The following FAHD2A variants were observed in gnomAD, a reference collection of about 807,000 sequenced individuals.
FAHD2A encodes oxaloacetate tautomerase FAHD2A, mitochondrial.
In FAHD2A, 27 loss-of-function variants were observed where a neutral mutation model predicts 33.4. That is an observed-to-expected ratio of 0.81 (90% confidence interval 0.60 to 1.11). The LOEUF (loss-of-function observed/expected upper bound fraction) is 1.11, where lower values mean the gene tolerates loss of function less well. FAHD2A is among the 50% of genes most tolerant of loss of function. The pLI is 0.00. For synonymous variants in FAHD2A, 130 were observed against 153.3 expected (o/e 0.85, Z 1.12); for missense variants, 296 against 395.0 (o/e 0.75, Z 2.12).
chr2:95,414,102 C>T lies in FAHD2A; in HGVS notation c.*1145C>T. ...CTTCTCTCCTCTTGTTTAAAGAAGC[C>T]CAGGGAGGGATAGATCTCCGACTGG... On this transcript the variant is annotated 3_prime_UTR_variant, in exon 8 of 8. Coordinates refer to ENST00000233379, the MANE Select transcript of FAHD2A (RefSeq NM_016044.3). 6.9e-7 allele frequency: 1 copy of T among 1,450,202 alleles called. No individual in the cohort carries two copies. Among genetic ancestry groups the T allele is most frequent in the Non-Finnish European group, 9.6e-7 (1 of 1,042,116 alleles). 89.8% of individuals were successfully genotyped at this position (1,450,202 alleles called of 1,614,324 possible).
Position 95,413,686 on chromosome 2 carries a change from G to A in FAHD2A, c.*729G>A, listed in dbSNP as rs1682876338. On this transcript the variant is annotated 3_prime_UTR_variant, in exon 8 of 8. Transcript: ENST00000233379. ...GAGACCTCTGACCCCTTAGGCCTCA[G>A]TGTTTGAGTGCAAATGCTGCCTCAA... is the stretch of plus-strand genomic sequence containing the variant. 2 of 1,109,262 alleles carry A rather than the reference G, an allele frequency of 1.8e-6. No homozygotes were observed. The highest frequency in any genetic ancestry group is 2.5e-6 in the Non-Finnish European group (2 of 791,298). 68.7% of individuals were successfully genotyped at this position (1,109,262 alleles called of 1,614,324 possible). A position where few individuals can be genotyped will look rare whatever the true frequency, so the allele number is the denominator to read the frequency against.
At chr2:95,412,873 G>T (rs759268841) in intron 7 of FAHD2A, 22 bp from the exon 8 acceptor site, 12 of 1,614,274 alleles carry the variant, frequency 7.4e-6, no homozygotes, top group Non-Finnish European at 8.5e-6. Flanking sequence ...GGCTGACACT[G>T]TCATGGCCTG....
downstream of FAHD2A, among the ~76,000 whole-genome samples, chr2:95,420,894 A>G (rs1683305044): frequency 6.6e-6 from 1 of 152,092 alleles, no homozygotes; most frequent in African/African-American, 2.4e-5. Flanking sequence ...AACAGACATT[A>G]CACAACACTT....
rs1683061111 is a variant in FAHD2A, at chr2:95,415,450, T to G, written c.*2493T>G. 6.6e-6 allele frequency: 1 copy of G among 152,500 alleles called. No homozygotes were observed. Among genetic ancestry groups the G allele is most frequent in the African/African-American group, 2.4e-5 (1 of 41,408 alleles). 9.4% of individuals were successfully genotyped at this position (152,500 alleles called of 1,614,324 possible). A position where few individuals can be genotyped will look rare whatever the true frequency, so the allele number is the denominator to read the frequency against. On this transcript the variant is annotated 3_prime_UTR_variant, in exon 8 of 8. Coordinates refer to ENST00000233379, the MANE Select transcript of FAHD2A (RefSeq NM_016044.3). ...AAAAAAAAAAAAAGCAATACTTGCA[T>G]TCTCATTAGTAGGAACATGTGAGAT...
Position 95,412,896 on chromosome 2 carries a change from A to C in FAHD2A, c.884A>C (p.Lys295Thr), listed in dbSNP as rs1319325691. 1 of 1,614,110 alleles carries C rather than the reference A, an allele frequency of 6.2e-7. No individual in the cohort carries two copies. The highest frequency in any genetic ancestry group is 8.5e-7 in the Non-Finnish European group (1 of 1,180,052). Residue 295 changes from lysine to threonine, a missense_variant and splice_region_variant, in exon 8 of 8, where the codon AAG becomes ACG. Transcript: ENST00000233379. ...VFRKPPVFLK[K>T]GDEVQCEIEE... ...CTGTCATGGCCTGCTCTGTTGCAGA[A>C]GGGGGATGAAGTCCAGTGTGAGATT...
At position 95,413,472 on chromosome 2, in the gene FAHD2A, G is replaced by T. The variant is rs1448975668; in HGVS notation, c.*515G>T. On this transcript the variant is annotated 3_prime_UTR_variant, in exon 8 of 8. Transcript: ENST00000233379. ...AGTTCTAGCTACAAGTGAACTGCCG[G>T]ATGAACTGTTCTAGTTTTTCCTGAT... 2 of 1,610,468 alleles carry T rather than the reference G, an allele frequency of 1.2e-6. No homozygotes were observed. The highest frequency in any genetic ancestry group is 1.7e-6 in the Non-Finnish European group (2 of 1,179,392).
chr2:95,406,571 T>A (rs974990588), intron 2 of FAHD2A, among the ~76,000 whole-genome samples: 2 of 152,030 alleles, frequency 1.3e-5, no homozygotes, highest in African/African-American at 4.8e-5. Flanking sequence ...TTTTAAAAGA[T>A]GTAAATAGTA....
At position 95,412,966 on chromosome 2, in the gene FAHD2A, G is replaced by A. The variant is rs181052098; in HGVS notation, c.*9G>A. Reference sequence around the variant, plus strand: ...TCAACAAGGTGGTGTGATGGCTCCTGCACAGGCCCTGCACATAGGATGAGG... The same window carrying A: ...TCAACAAGGTGGTGTGATGGCTCCTACACAGGCCCTGCACATAGGATGAGG... On this transcript the variant is annotated 3_prime_UTR_variant, in exon 8 of 8. Transcript: ENST00000233379. The A allele has an allele frequency of 1.3e-3, 2,057 of 1,613,836 alleles. 22 individuals carry two copies. The African/African-American group carries it at 0.023, about 18-fold the overall frequency.
In FAHD2A at chr2:95,403,692, C is replaced by G. The variant is rs1681081176; in HGVS notation, c.-7+820C>G. ...ACTTCATGTCACCTGGACTTGGATTCACATCCCAGCTCCTTCCTCTCCTAG... is the reference window on the plus strand; with the variant it reads ...ACTTCATGTCACCTGGACTTGGATTGACATCCCAGCTCCTTCCTCTCCTAG... On this transcript the variant is annotated intron_variant, in intron 1 of 7. Coordinates refer to ENST00000233379, the MANE Select transcript of FAHD2A (RefSeq NM_016044.3). Among the ~76,000 whole-genome samples, 5 of 152,310 alleles carry G rather than the reference C, an allele frequency of 3.3e-5. No homozygotes were observed. The South Asian group carries it at 1.0e-3, about 32-fold the overall frequency.
In FAHD2A at chr2:95,406,959, G is replaced by A. The variant is rs1360263469; in HGVS notation, c.264G>A (p.Leu88=). Residue 88 remains leucine, a synonymous_variant, in exon 3 of 8, where the codon TTG becomes TTA. Transcript: ENST00000233379. ...TCTACAGAGCCCTGGCTGCCCAGTTGCCAGTCCTACCACGGTCGGAGGTAA... is the reference window on the plus strand; with the variant it reads ...TCTACAGAGCCCTGGCTGCCCAGTTACCAGTCCTACCACGGTCGGAGGTAA... ...SVARRALAAQ[L]PVLPRSEVTF... 1.2e-6 allele frequency: 2 copies of A among 1,613,590 alleles called. No individual in the cohort carries two copies. The highest frequency in any genetic ancestry group is 2.2e-5 in the South Asian group (2 of 90,994).
chr2:95,418,078 T>TA (rs1193448044), downstream of FAHD2A, among the ~76,000 whole-genome samples: 1 of 152,008 alleles, frequency 6.6e-6, no homozygotes, highest in Admixed American at 6.5e-5. Flanking sequence ...TGGGTCACAA[T>TA]AATGGCAATA....
chr2:95,413,363 G>A lies in FAHD2A; in HGVS notation c.*406G>A. Reference sequence around the variant, plus strand: ...TCAATGATTATATTTATAGCTAAGGGTTTGCAGCCTCCTCTCCATCTTCTG... The same window carrying A: ...TCAATGATTATATTTATAGCTAAGGATTTGCAGCCTCCTCTCCATCTTCTG... On this transcript the variant is annotated 3_prime_UTR_variant, in exon 8 of 8. Coordinates refer to ENST00000233379, the MANE Select transcript of FAHD2A (RefSeq NM_016044.3). The A allele has an allele frequency of 6.5e-7, 1 of 1,541,872 alleles. No homozygotes were observed. Among genetic ancestry groups the A allele is most frequent in the Non-Finnish European group, 8.7e-7 (1 of 1,149,806 alleles).
Position 95,413,152 on chromosome 2 carries a change from C to G in FAHD2A, c.*195C>G. ...CAGCAGCTTTGCTTCTGCTGTTTGT[C>G]TTCTTTTGGGCTTTGTTTCATGGGA... is the stretch of plus-strand genomic sequence containing the variant. On this transcript the variant is annotated 3_prime_UTR_variant, in exon 8 of 8. Transcript: ENST00000233379. The G allele has an allele frequency of 9.2e-7, 1 of 1,087,768 alleles. No homozygotes were observed. Among genetic ancestry groups the G allele is most frequent in the Non-Finnish European group, 1.3e-6 (1 of 768,078 alleles). 67.4% of individuals were successfully genotyped at this position (1,087,768 alleles called of 1,614,324 possible).
intron 2 of FAHD2A, among the ~76,000 whole-genome samples, chr2:95,406,058 C>T (rs1309001486): frequency 6.6e-6 from 1 of 151,198 alleles, no homozygotes; most frequent in Non-Finnish European, 1.5e-5. Context: ...GGAACCAGGA[C>T]TCTATACTTC....
chr2:95,403,645 A>G (rs1240361807), intron 1 of FAHD2A, among the ~76,000 whole-genome samples: 1 of 152,210 alleles, frequency 6.6e-6, no homozygotes, highest in Non-Finnish European at 1.5e-5. Context: ...TTTTGCTTGC[A>G]TTACAAGCTT....
chr2:95,405,503 T>C lies in FAHD2A; in HGVS notation c.-6-50T>C, dbSNP rs944825316. On this transcript the variant is annotated intron_variant, in intron 1 of 7. Coordinates refer to ENST00000233379, the MANE Select transcript of FAHD2A (RefSeq NM_016044.3). ...GCCCTAGGAATTTCAGGGAACCTGA[T>C]GATGGCTCTGGGATCCTCTGTCTCC... 3 of 1,560,094 alleles carry C rather than the reference T, an allele frequency of 1.9e-6. No homozygotes were observed. In the African/African-American group the frequency reaches 4.1e-5, roughly 21 times the overall value.
chr2:95,407,291 A>C, intron 3 of FAHD2A, 134 bp downstream of exon 3: 1 of 1,334,100 alleles, frequency 7.5e-7, no homozygotes, highest in Non-Finnish European at 1.0e-6. Context: ...TTGTACACAC[A>C]GTAGTAACAC....
At chr2:95,408,158 A>G (rs1681921999) in intron 3 of FAHD2A, among the ~76,000 whole-genome samples, 1 of 151,838 alleles carries the variant, frequency 6.6e-6, no homozygotes, top group Non-Finnish European at 1.5e-5. Context: ...GAATAAGGAC[A>G]ATGGCTTGCA....
At position 95,413,460 on chromosome 2, in the gene FAHD2A, A is replaced by G. The variant is rs1682852422; in HGVS notation, c.*503A>G. ...GCTCCTTCTCACAGTTCTAGCTACA[A>G]GTGAACTGCCGGATGAACTGTTCTA... On this transcript the variant is annotated 3_prime_UTR_variant, in exon 8 of 8. Coordinates refer to ENST00000233379, the MANE Select transcript of FAHD2A (RefSeq NM_016044.3). 4 of 1,610,340 alleles carry G rather than the reference A, an allele frequency of 2.5e-6. No homozygotes were observed. The highest frequency in any genetic ancestry group is 2.2e-5 in the South Asian group (2 of 90,644).
Sources: allele counts gnomAD v4.1 joint callset (sites outside exome capture counted in the v4.1 genomes callset), GRCh38; gene constraint gnomAD v4.1.1; transcripts MANE v1.5; gene names NCBI Gene and HGNC (gene_info 2026-07-23, HGNC 2026-07-21).